The following IGFN1 variants were observed in gnomAD, a reference collection of about 807,000 sequenced individuals.
IGFN1 encodes immunoglobulin-like and fibronectin type III domain-containing protein 1.
In IGFN1, 253 loss-of-function variants were observed where a neutral mutation model predicts 289.5. The ratio of observed to expected loss-of-function variants is 0.87; its 90% CI spans 0.79 to 0.97. IGFN1 has a LOEUF of 0.97. Among genes scored for constraint, IGFN1 ranks in the 50% least tolerant of loss-of-function variants. The pLI is 0.00. For missense variants in IGFN1, 4,470 were observed against 4,686.1 expected (o/e 0.95, Z 1.35); for synonymous variants, 1,706 against 1,788.5 (o/e 0.95, Z 1.16).
In IGFN1 at chr1:201,226,871, T is replaced by C. The variant is rs1292979972; in HGVS notation, c.10787-11T>C. 1 of 1,556,970 alleles carries C rather than the reference T, an allele frequency of 6.4e-7. No individual in the cohort carries two copies. The highest frequency in any genetic ancestry group is 1.2e-5 in the South Asian group (1 of 82,200). ...TCTCACCCTCTTCTCTCACCCCGGCTTTCACCACAGACAGGTTCACAGTGA... is the reference window on the plus strand; with the variant it reads ...TCTCACCCTCTTCTCTCACCCCGGCCTTCACCACAGACAGGTTCACAGTGA... On this transcript the variant is annotated splice_polypyrimidine_tract_variant and intron_variant, in intron 22 of 23. Transcript: ENST00000335211.
chr1:201,224,467 G>T lies in IGFN1; in HGVS notation c.10291-212G>T, dbSNP rs535668211. Reference sequence around the variant, plus strand: ...GTCCAACTTCCTTTCTTGTTCTACCGCCCCCCTACCATACCCGCCTGCCAA... The same window carrying T: ...GTCCAACTTCCTTTCTTGTTCTACCTCCCCCCTACCATACCCGCCTGCCAA... On this transcript the variant is annotated intron_variant, in intron 20 of 23. Coordinates refer to ENST00000335211, the MANE Select transcript of IGFN1 (RefSeq NM_001164586.2). Among the ~76,000 whole-genome samples, 8 of 151,972 alleles carry T rather than the reference G, an allele frequency of 5.3e-5. No individual in the cohort carries two copies. In the East Asian group the frequency reaches 1.4e-3, roughly 26 times the overall value.
In IGFN1 at chr1:201,228,915, A is replaced by G. The variant is rs1313031902; in HGVS notation, c.*516A>G. The G allele has an allele frequency of 1.9e-5, 3 of 155,852 alleles. No homozygotes were observed. The highest frequency in any genetic ancestry group is 7.2e-5 in the African/African-American group (3 of 41,500). 9.7% of individuals were successfully genotyped at this position (155,852 alleles called of 1,614,324 possible). On this transcript the variant is annotated 3_prime_UTR_variant, in exon 24 of 24. Transcript: ENST00000335211. The stretch of plus-strand genomic sequence containing the variant: ...TCCAGGGGTGCAGCAAGTGCTTTCT[A>G]TGCGTTTCTTCATTAAAACATTAGG...
chr1:201,207,519 C>G lies in IGFN1; in HGVS notation c.2626C>G (p.Leu876Val), dbSNP rs1667483329. 1.3e-6 allele frequency: 2 copies of G among 1,535,846 alleles called. No individual in the cohort carries two copies. Among genetic ancestry groups the G allele is most frequent in the African/African-American group, 2.7e-5 (2 of 72,990 alleles). ...EGMGGIWVAG[L>V]TESGQGVDAR... ...TATGGGTGGTATCTGGGTGGCTGGA[C>G]TGACGGAGTCTGGTCAGGGGGTGGA... Residue 876 changes from leucine (L) to valine (V), a missense_variant, in exon 12 of 24, where the codon CTG becomes GTG. By Grantham distance (32) the Leu-to-Val change is conservative (BLOSUM62 1). Transcript: ENST00000335211.
intron 13 of IGFN1, 28 bp from the exon 14 acceptor site, chr1:201,214,985 C>T (rs201917586): frequency 1.0e-5 from 16 of 1,607,842 alleles, no homozygotes; most frequent in South Asian, 3.3e-5. Context: ...AGTGGGGTGA[C>T]CTTCTCCTGC....
At position 201,218,568 on chromosome 1, in the gene IGFN1, C is replaced by T. The variant is rs1473354566; in HGVS notation, c.9808C>T (p.Gln3270Ter). 2 of 1,613,416 alleles carry T rather than the reference C, an allele frequency of 1.2e-6. No individual in the cohort carries two copies. The highest frequency in any genetic ancestry group is 2.2e-5 in the East Asian group (1 of 44,886). ...GGTGGCGGACGTGCGGCAGGGCTGT[C>T]AGTATGAGTTCCGGGTCACAGCTGT... Reference protein sequence around the residue: ...WTVADVRQGCQYEFRVTAVAP... With the variant: ...WTVADVRQGC The change falls in exon 18 of 24, where the codon CAG becomes TAG. Residue 3270 changes from glutamine to a stop codon, truncating the protein, a stop_gained. Transcript: ENST00000335211. LOFTEE classifies it high-confidence loss of function.
chr1:201,203,276 A>G (rs1211609492), intron 9 of IGFN1, among the ~76,000 whole-genome samples: 2 of 152,160 alleles, frequency 1.3e-5, no homozygotes, highest in Non-Finnish European at 2.9e-5. Context: ...GCTTAGTTAA[A>G]GCAGGTATGC....
rs151160756 is a variant in IGFN1, at chr1:201,217,435, G to A, written c.9744G>A (p.Thr3248=). The change falls in exon 17 of 24, where the codon ACG becomes ACA. Residue 3248 remains threonine, a synonymous_variant. Transcript: ENST00000335211. ...GTAAGAAGGGGAGCAACACCTGGAC[G>A]GCAGTGAACGACCAGCCGGTGCCTG... is the stretch of plus-strand genomic sequence containing the variant. The part of the protein sequence containing the change: ...ERRKKGSNTW[T]AVNDQPVPER... 1.7e-5 allele frequency: 27 copies of A among 1,614,174 alleles called. No homozygotes were observed. The African/African-American group carries it at 2.0e-4, about 12-fold the overall frequency.
rs868028342 is a variant in IGFN1 at position 201,216,406 on chromosome 1, C to T, written c.9296-48C>T. 1.3e-5 allele frequency: 19 copies of T among 1,459,268 alleles called. No individual in the cohort carries two copies. The Middle Eastern group carries it at 1.8e-3, about 135-fold the overall frequency. The allele number at this position is 1,459,268 out of a possible 1,614,324, so 90.4% of individuals were successfully genotyped here. A position where few individuals can be genotyped will look rare whatever the true frequency, so the allele number is the denominator to read the frequency against. On this transcript the variant is annotated intron_variant, in intron 15 of 23. Coordinates refer to ENST00000335211, the MANE Select transcript of IGFN1 (RefSeq NM_001164586.2). Reference sequence around the variant, plus strand: ...TGGGGGGGTTGGCGCTGCTCCCCTCCAGCTCCTCTGACCCCTCCTCTTCCC... The same window carrying T: ...TGGGGGGGTTGGCGCTGCTCCCCTCTAGCTCCTCTGACCCCTCCTCTTCCC...
chr1:201,224,345 G>A (rs1449737029), intron 20 of IGFN1, among the ~76,000 whole-genome samples: 1 of 152,132 alleles, frequency 6.6e-6, no homozygotes, highest in African/African-American at 2.4e-5. Context: ...TTCCTGCTCA[G>A]AATCTGACAA....
intron 15 of IGFN1, chr1:201,216,217 T>C: frequency 1.7e-6 from 1 of 602,134 alleles, no homozygotes; most frequent in South Asian, 2.0e-5. Context: ...GCTGGTGCAT[T>C]CCATGGCACA....
chr1:201,226,437 T>C (rs1489629308), intron 22 of IGFN1, among the ~76,000 whole-genome samples: 1 of 152,204 alleles, frequency 6.6e-6, no homozygotes, highest in Non-Finnish European at 1.5e-5. Context: ...AGGTTAATGT[T>C]TCTCTGAAAA....
chr1:201,213,132 A>C lies in IGFN1; in HGVS notation c.8239A>C (p.Arg2747=). ...GAATGGCTTAGATGGTCCCTTTGGC[A>C]GAAAAGCCTCTAGAGATAGGTCAGG... ...AWNGLDGPFG[R]KASRDRSGGT... is the part of the protein sequence containing the mutation. Residue 2747 remains arginine, a synonymous_variant, in exon 12 of 24, where the codon AGA becomes CGA. Coordinates refer to ENST00000335211, the MANE Select transcript of IGFN1 (RefSeq NM_001164586.2). The C allele has an allele frequency of 6.4e-7, 1 of 1,551,640 alleles. No homozygotes were observed. The highest frequency in any genetic ancestry group is 1.2e-5 in the South Asian group (1 of 84,064).
At position 201,212,995 on chromosome 1, in the gene IGFN1, G is replaced by A. The variant is rs1182598492; in HGVS notation, c.8102G>A (p.Arg2701Lys). Residue 2701 changes from arginine (R) to lysine (K), a missense_variant, in exon 12 of 24, where the codon AGG becomes AAG. Arg to Lys is a conservative substitution (Grantham distance 26). Around this residue, in one of 8 missense-constraint regions of IGFN1, gnomAD observed 2,218 missense variants for 2,114.1 expected, o/e 1.05. Coordinates refer to ENST00000335211, the MANE Select transcript of IGFN1 (RefSeq NM_001164586.2). Reference protein sequence around the residue: ...SLDSKGSSPGRGSSVDAEDSG... With the variant: ...SLDSKGSSPGKGSSVDAEDSG... ...GATAGCAAAGGTTCAAGTCCTGGAA[G>A]GGGCAGTTCTGTTGATGCAGAGGAC... is the stretch of plus-strand genomic sequence containing the variant. 5 of 1,551,482 alleles carry A rather than the reference G, an allele frequency of 3.2e-6. No homozygotes were observed. The highest frequency in any genetic ancestry group is 1.4e-5 in the African/African-American group (1 of 73,050).
intron 19 of IGFN1, chr1:201,222,309 G>A (rs1653786243): frequency 6.2e-6 from 1 of 161,606 alleles, no homozygotes; most frequent in Non-Finnish European, 1.3e-5. Flanking sequence ...ATGGCAGTAG[G>A]GAGTCACAAA....
Position 201,208,460 on chromosome 1 carries a change from T to G in IGFN1, c.3567T>G (p.Pro1189=). The G allele has an allele frequency of 6.9e-7, 1 of 1,445,950 alleles. No individual in the cohort carries two copies. The highest frequency in any genetic ancestry group is 9.0e-7 in the Non-Finnish European group (1 of 1,106,540). The allele number at this position is 1,445,950 out of a possible 1,614,324, so 89.6% of individuals were successfully genotyped here. ...GAGYRDDTRH[P]ESLAPHNGAA... is the part of the protein sequence containing the mutation. ...GTTATAGGGATGATACCAGGCACCCTGAGTCACTCGCACCTCACAATGGGG... is the reference window on the plus strand; with the variant it reads ...GTTATAGGGATGATACCAGGCACCCGGAGTCACTCGCACCTCACAATGGGG... The change falls in exon 12 of 24, where the codon CCT becomes CCG. Residue 1189 remains proline, a synonymous_variant. Coordinates refer to ENST00000335211, the MANE Select transcript of IGFN1 (RefSeq NM_001164586.2).
intron 21 of IGFN1, 110 bp downstream of exon 21, chr1:201,224,984 A>G (rs897929545): frequency 2.7e-6 from 2 of 738,910 alleles, no homozygotes; most frequent in Non-Finnish European, 4.3e-6. Flanking sequence ...AGGGCTGGGT[A>G]TGCAAAGTGA....
intron 19 of IGFN1, 137 bp downstream of exon 19, chr1:201,221,883 C>G: frequency 2.7e-5 from 18 of 664,676 alleles, no homozygotes; most frequent in Non-Finnish European, 4.1e-5. Flanking sequence ...TGAGCACCTA[C>G]TAGGTGCTAG....
chr1:201,228,478 A>T lies in IGFN1; in HGVS notation c.*79A>T. On this transcript the variant is annotated 3_prime_UTR_variant, in exon 24 of 24. Transcript: ENST00000335211. ...TGCACTGGCCCGGGAAGCCAATCCC[A>T]AGGATGGAGGCTGTGCCCAGAGCCC... 1 of 1,452,166 alleles carries T rather than the reference A, an allele frequency of 6.9e-7. No individual in the cohort carries two copies. The highest frequency in any genetic ancestry group is 9.7e-7 in the Non-Finnish European group (1 of 1,032,338). The allele number at this position is 1,452,166 out of a possible 1,614,324, so 90.0% of individuals were successfully genotyped here. A position where few individuals can be genotyped will look rare whatever the true frequency, so the allele number is the denominator to read the frequency against.
At chr1:201,218,148 A>T (rs1458305743) in intron 17 of IGFN1, among the ~76,000 whole-genome samples, 2 of 152,208 alleles carry the variant, frequency 1.3e-5, no homozygotes, top group Non-Finnish European at 2.9e-5. Context: ...GCTACTTAGG[A>T]GCTGAGGCCT....
Sources: allele counts gnomAD v4.1 joint callset (sites outside exome capture counted in the v4.1 genomes callset), GRCh38; gene constraint gnomAD v4.1.1; regional missense constraint gnomAD v4.1.1; transcripts MANE v1.5; gene names NCBI Gene and HGNC (gene_info 2026-07-23, HGNC 2026-07-21).